C6orf52: variants seen among roughly 807,000 people sequenced by gnomAD.
C6orf52 encodes the protein chromosome 6 open reading frame 52.
A neutral mutation model predicts 16.6 loss-of-function variants in C6orf52; 16 were observed. The observed-to-expected ratio is 0.96, with a 90% confidence interval of 0.65 to 1.46. C6orf52 has a LOEUF of 1.46. Ranked by LOEUF, C6orf52 falls within the 40% of genes most tolerant of loss-of-function variation. The pLI, the probability that C6orf52 is intolerant of heterozygous loss-of-function variation, is 0.00. For synonymous variants in C6orf52, 53 were observed against 61.4 expected (o/e 0.86, Z 0.64); for missense variants, 166 against 182.3 (o/e 0.91, Z 0.52).
At chr6:10,694,036 G>C (rs1387876696) in intron 1 of C6orf52, among the ~76,000 whole-genome samples, 9 of 152,146 alleles carry the variant, frequency 5.9e-5, no homozygotes, top group Non-Finnish European at 1.3e-4. Context: ...GAGGCAAGCG[G>C]ATCACCTGCG....
chr6:10,691,929 C>T (rs1387784502), intron 1 of C6orf52, among the ~76,000 whole-genome samples: 2 of 152,044 alleles, frequency 1.3e-5, no homozygotes, highest in Non-Finnish European at 2.9e-5. Context: ...TCTAAAATTC[C>T]TGGTTGGAAC....
At chr6:10,676,856 C>CA (rs1220921686) in intron 4 of C6orf52, among the ~76,000 whole-genome samples, 3 of 152,196 alleles carry the variant, frequency 2.0e-5, no homozygotes, top group Admixed American at 6.5e-5. Flanking sequence ...CACATGTGTC[C>CA]ATGTCCTTAT....
intron 1 of C6orf52, among the ~76,000 whole-genome samples, chr6:10,689,800 G>A (rs1159507740): frequency 6.6e-6 from 1 of 152,170 alleles, no homozygotes; most frequent in Non-Finnish European, 1.5e-5. Flanking sequence ...ATGAGTCTAG[G>A]TCACCAATGA....
In C6orf52 at chr6:10,687,177, C is replaced by T. The variant is rs912566143; in HGVS notation, c.72-13G>A. On this transcript the variant is annotated splice_polypyrimidine_tract_variant and intron_variant, in intron 2 of 4. Transcript: ENST00000259983. Reference sequence around the variant, plus strand: ...AGCAGAGGGGAGACTACAGGAATGACAATCATCACAACCAACGCAGAATCA... The same window carrying T: ...AGCAGAGGGGAGACTACAGGAATGATAATCATCACAACCAACGCAGAATCA... 3.3e-6 allele frequency: 5 copies of T among 1,525,370 alleles called. No individual in the cohort carries two copies. The highest frequency in any genetic ancestry group is 3.5e-6 in the Non-Finnish European group (4 of 1,128,462). 94.5% of individuals were successfully genotyped at this position (1,525,370 alleles called of 1,614,324 possible).
intron 3 of C6orf52, chr6:10,684,745 G>A: frequency 3.2e-6 from 2 of 617,988 alleles, no homozygotes; most frequent in Non-Finnish European, 5.3e-6. Flanking sequence ...ACAGCACATT[G>A]GGGGAAGCAG....
intron 3 of C6orf52, 62 bp from the exon 4 acceptor site, chr6:10,683,294 A>G: frequency 2.9e-6 from 3 of 1,027,584 alleles, no homozygotes; most frequent in Non-Finnish European, 4.3e-6. Context: ...ATCAATACAT[A>G]CTTTATTGGG....
chr6:10,683,723 C>G (rs934418276), intron 3 of C6orf52, among the ~76,000 whole-genome samples: 2 of 152,188 alleles, frequency 1.3e-5, no homozygotes, highest in Admixed American at 6.5e-5. Flanking sequence ...ATTAGGTGCT[C>G]AAGAAAATGC....
intron 4 of C6orf52, among the ~76,000 whole-genome samples, chr6:10,682,860 C>T (rs1768522327): frequency 6.6e-6 from 1 of 152,160 alleles, no homozygotes; most frequent in Admixed American, 6.5e-5. Flanking sequence ...CATGCTCTTC[C>T]CCCTTGAAAA....
chr6:10,691,017 T>C (rs1769245194), intron 1 of C6orf52, among the ~76,000 whole-genome samples: 1 of 152,156 alleles, frequency 6.6e-6, no homozygotes, highest in African/African-American at 2.4e-5. Flanking sequence ...TCCTCTCTGT[T>C]AAAGAGAATG....
At chr6:10,675,924 G>C (rs1212863577) in intron 4 of C6orf52, among the ~76,000 whole-genome samples, 2 of 151,792 alleles carry the variant, frequency 1.3e-5, no homozygotes, top group Non-Finnish European at 2.9e-5. Flanking sequence ...CTGAGGTCAG[G>C]AGTTTGAGAC....
chr6:10,680,189 G>A (rs938643452), intron 4 of C6orf52, among the ~76,000 whole-genome samples: 2 of 152,120 alleles, frequency 1.3e-5, no homozygotes, highest in South Asian at 4.1e-4. Flanking sequence ...AGGATGCAGA[G>A]GTTGCAGCCG....
At chr6:10,683,352 A>T in intron 3 of C6orf52, 120 bp from the exon 4 acceptor site, 1 of 588,958 alleles carries the variant, frequency 1.7e-6, no homozygotes, top group Non-Finnish European at 3.0e-6. Context: ...AATAATATTG[A>T]CAATTAATCT....
At chr6:10,679,025 G>A (rs898744093) in intron 4 of C6orf52, among the ~76,000 whole-genome samples, 10 of 151,996 alleles carry the variant, frequency 6.6e-5, no homozygotes, top group African/African-American at 2.2e-4. Flanking sequence ...CCCAAGAGGC[G>A]GAGATTGCAG....
intron 4 of C6orf52, among the ~76,000 whole-genome samples, chr6:10,673,650 ATACCAC>A (rs1767617310): frequency 6.6e-6 from 1 of 152,196 alleles, no homozygotes; most frequent in Non-Finnish European, 1.5e-5. Flanking sequence ...AATGTACTTA[ATACCAC>A]TGATACATTT....
At chr6:10,672,260 A>C (rs1315187098) in intron 4 of C6orf52, among the ~76,000 whole-genome samples, 1 of 152,150 alleles carries the variant, frequency 6.6e-6, no homozygotes, top group Non-Finnish European at 1.5e-5. Flanking sequence ...GTAATGGAAG[A>C]AGCCTTTTAT....
At chr6:10,683,461 G>A (rs1265399514) in intron 3 of C6orf52, among the ~76,000 whole-genome samples, 1 of 152,196 alleles carries the variant, frequency 6.6e-6, no homozygotes, top group Non-Finnish European at 1.5e-5. Context: ...GTCACAAAGA[G>A]GAACAAGCCT....
intron 1 of C6orf52, among the ~76,000 whole-genome samples, 187 bp downstream of exon 1, chr6:10,694,307 G>A (rs982945682): frequency 2.7e-5 from 4 of 150,500 alleles, no homozygotes; most frequent in Non-Finnish European, 4.4e-5. Context: ...CTCCCCAGGA[G>A]GTGCCGCAAC....
intron 1 of C6orf52, among the ~76,000 whole-genome samples, chr6:10,688,843 CCT>C (rs943763819): frequency 6.6e-6 from 1 of 152,060 alleles, no homozygotes; most frequent in African/African-American, 2.4e-5. Context: ...ATGGAGTCTC[CCT>C]CTGTCACCCA....
chr6:10,684,405 A>C (rs886307893), intron 3 of C6orf52, among the ~76,000 whole-genome samples: 2 of 152,248 alleles, frequency 1.3e-5, no homozygotes, highest in African/African-American at 4.8e-5. Context: ...GACTTGAGTA[A>C]CCACACATTT....
Sources: allele counts gnomAD v4.1 joint callset (sites outside exome capture counted in the v4.1 genomes callset), GRCh38; gene constraint gnomAD v4.1.1; transcripts MANE v1.5; gene names NCBI Gene and HGNC (gene_info 2026-07-23, HGNC 2026-07-21).